The following LRRC75B variants were observed in gnomAD, a reference collection of about 807,000 sequenced individuals.
LRRC75B encodes the protein leucine-rich repeat-containing protein 75B.
A neutral mutation model predicts 16.5 loss-of-function variants in LRRC75B; 20 were observed. That is an observed-to-expected ratio of 1.21 (90% confidence interval 0.85 to 1.76). LRRC75B has a LOEUF of 1.76. LRRC75B is among the 40% of genes most tolerant of loss of function. The pLI is 0.00. For synonymous variants in LRRC75B, 199 were observed against 198.1 expected, an observed-to-expected ratio of 1.00 and a Z score of -0.04; for missense variants, 406 against 417.0, an observed-to-expected ratio of 0.97 and a Z score of 0.23.
At chr22:24,587,969 A>G (rs759564144) in intron 3 of LRRC75B, among the ~76,000 whole-genome samples, 1 of 152,094 alleles carries the variant, frequency 6.6e-6, no homozygotes, top group Non-Finnish European at 1.5e-5. Flanking sequence ...GGATGTATGA[A>G]TGGCAGGAGG....
At position 24,586,405 on chromosome 22, in the gene LRRC75B, C is replaced by CT. The variant is rs1199866286; in HGVS notation, c.428dup (p.Ser144GlufsTer51). On this transcript the variant is annotated frameshift_variant, in exon 4 of 4. Transcript: ENST00000318753. LOFTEE classifies it low-confidence loss of function (END_TRUNC). ...CCAGCAGAGTCTTCTGGAGGCTGCTCTTGAGGCTATGGGAGAGTGGCAGGT... is the reference window on the plus strand; with the variant it reads ...CCAGCAGAGTCTTCTGGAGGCTGCTCTTTGAGGCTATGGGAGAGTGGCAGGT... The CT allele has an allele frequency of 5.0e-6, 8 of 1,610,600 alleles. No individual in the cohort carries two copies. Among genetic ancestry groups the CT allele is most frequent in the African/African-American group, 1.3e-5 (1 of 74,914 alleles).
intron 3 of LRRC75B, 95 bp downstream of exon 3, chr22:24,588,119 T>C: frequency 1.0e-6 from 1 of 990,846 alleles, no homozygotes; most frequent in South Asian, 1.4e-5. Context: ...CCAGGTGGGA[T>C]TTCAGCACCA....
chr22:24,592,955 C>T lies in LRRC75B; in HGVS notation c.85G>A (p.Glu29Lys), dbSNP rs1383616636. The T allele has an allele frequency of 5.0e-6, 6 of 1,206,740 alleles. No homozygotes were observed. The highest frequency in any genetic ancestry group is 3.2e-5 in the African/African-American group (2 of 62,880). The allele number at this position is 1,206,740 out of a possible 1,614,324, so 74.8% of individuals were successfully genotyped here. Residue 29 changes from glutamate (E) to lysine (K), a missense_variant, in exon 1 of 4, where the codon GAG (glutamate) becomes AAG (lysine). Glu to Lys is a moderately conservative substitution (Grantham distance 56). Coordinates refer to ENST00000318753, the MANE Select transcript of LRRC75B (RefSeq NM_207644.3). Reference protein sequence around the residue: ...AAAGCGPAPYERRVRWLREIQ... With the variant: ...AAAGCGPAPYKRRVRWLREIQ... Reference sequence around the variant, plus strand: ...TCGCGGAGCCACCGCACCCGGCGCTCGTAGGGCGCGGGCCCGCAGCCGGCC... The same window carrying T: ...TCGCGGAGCCACCGCACCCGGCGCTTGTAGGGCGCGGGCCCGCAGCCGGCC...
At chr22:24,592,736 G>A (rs1374136026) in intron 1 of LRRC75B, 127 bp downstream of exon 1, 1 of 1,299,872 alleles carries the variant, frequency 7.7e-7, no homozygotes, top group Non-Finnish European at 9.8e-7. Context: ...GCGCGCGCCA[G>A]AGACCAGCTC....
At chr22:24,592,567 A>T in intron 1 of LRRC75B, 1 of 460,558 alleles carries the variant, frequency 2.2e-6, no homozygotes, top group Non-Finnish European at 4.1e-6. Context: ...CACCCTCAAC[A>T]CACACAACCC....
At chr22:24,586,519 C>G (rs950615221) in intron 3 of LRRC75B, 108 bp from the exon 4 acceptor site, 23 of 1,158,662 alleles carry the variant, frequency 2.0e-5, no homozygotes, top group Non-Finnish European at 2.6e-5. Context: ...CTGGCAAAGC[C>G]AGATTCAAAC....
chr22:24,591,475 T>C (rs2045565579), intron 1 of LRRC75B, among the ~76,000 whole-genome samples: 1 of 151,930 alleles, frequency 6.6e-6, no homozygotes, highest in African/African-American at 2.4e-5. Flanking sequence ...AATCCATAGG[T>C]GATATGCTCT....
At chr22:24,589,125 G>A (rs910335309) in intron 2 of LRRC75B, 40 of 1,128,676 alleles carry the variant, frequency 3.5e-5, no homozygotes, top group Non-Finnish European at 4.2e-5. Flanking sequence ...AGGGCCCAGA[G>A]CGGATACCCT....
rs2045516956 is a variant in LRRC75B at position 24,589,874 on chromosome 22, TG to T, written c.252del (p.Ile85SerfsTer7). 1 of 1,613,896 alleles carries T rather than the reference TG, an allele frequency of 6.2e-7. No homozygotes were observed. The highest frequency in any genetic ancestry group is 1.7e-5 in the Admixed American group (1 of 59,982). On this transcript the variant is annotated frameshift_variant, in exon 2 of 4. Coordinates refer to ENST00000318753, the MANE Select transcript of LRRC75B (RefSeq NM_207644.3). LOFTEE classifies it high-confidence loss of function. ...AGGTTCACAAGCAGGTCATGGGAGA[TG>T]GGGTCGACCGGGTTGAGGAAGGCCA... ...RDVAFLNPVD[P>X]ISHDLLVNLA... is the part of the protein sequence containing the mutation.
chr22:24,587,468 C>G (rs1340026809), intron 3 of LRRC75B, among the ~76,000 whole-genome samples: 1 of 152,190 alleles, frequency 6.6e-6, no homozygotes, highest in Non-Finnish European at 1.5e-5. Flanking sequence ...TGGCAGGGAA[C>G]AACCTTGTGG....
Position 24,592,916 on chromosome 22 carries a change from G to A in LRRC75B, c.124C>T (p.Leu42Phe). 3.1e-6 allele frequency: 4 copies of A among 1,272,656 alleles called. No individual in the cohort carries two copies. Among genetic ancestry groups the A allele is most frequent in the Non-Finnish European group, 4.0e-6 (4 of 1,008,078 alleles). The allele number at this position is 1,272,656 out of a possible 1,614,324, so 78.8% of individuals were successfully genotyped here. A position where few individuals can be genotyped will look rare whatever the true frequency, so the allele number is the denominator to read the frequency against. Residue 42 changes from leucine (L) to phenylalanine (F), a missense_variant, in exon 1 of 4, where the codon CTC becomes TTC. Physicochemically the swap from Leu to Phe is conservative, Grantham distance 22 (BLOSUM62 0). Transcript: ENST00000318753. ...GCGCGCTCCGGCCGCCGCTCGCGGA[G>A]CGTGGACTGGATCTCGCGGAGCCAC... is the stretch of plus-strand genomic sequence containing the variant. ...VRWLREIQSTLRERRPERARQ... is the reference protein window; with the variant it reads ...VRWLREIQSTFRERRPERARQ...
intron 3 of LRRC75B, among the ~76,000 whole-genome samples, chr22:24,587,452 C>T (rs1000616149): frequency 2.6e-5 from 4 of 152,238 alleles, no homozygotes; most frequent in African/African-American, 9.6e-5. Context: ...GGACCCCCAC[C>T]AGCCATGGCA....
At position 24,588,799 on chromosome 22, in the gene LRRC75B, C is replaced by T. The variant is rs550680316; in HGVS notation, c.307-470G>A. On this transcript the variant is annotated intron_variant, in intron 2 of 3. Coordinates refer to ENST00000318753, the MANE Select transcript of LRRC75B (RefSeq NM_207644.3). ...TCTTCCTCTCACTCTCCAAGCGAGA[C>T]TGCGCCTGCGGGGTCTGGGTCTGGG... 23 of 1,016,804 alleles carry T rather than the reference C, an allele frequency of 2.3e-5. No homozygotes were observed. The East Asian group carries it at 1.6e-3, about 69-fold the overall frequency. 63.0% of individuals were successfully genotyped at this position (1,016,804 alleles called of 1,614,324 possible).
intron 2 of LRRC75B, chr22:24,589,388 G>A (rs2045498466): frequency 3.6e-6 from 4 of 1,098,258 alleles, no homozygotes; most frequent in African/African-American, 1.7e-5. Flanking sequence ...TGTACAGGAT[G>A]GAGACCTGCG....
intron 1 of LRRC75B, chr22:24,592,556 CCACCCTCAA>C: frequency 4.4e-6 from 2 of 450,778 alleles, no homozygotes; most frequent in Non-Finnish European, 8.5e-6. Flanking sequence ...GGCTACCGGG[CCACCCTCAA>C]CACACACAAC....
chr22:24,586,512 G>T, intron 3 of LRRC75B, 101 bp from the exon 4 acceptor site: 1 of 1,244,776 alleles, frequency 8.0e-7, no homozygotes, highest in Non-Finnish European at 1.1e-6. Flanking sequence ...CTACAGTCTG[G>T]CAAAGCCAGA....
At chr22:24,586,470 A>C in intron 3 of LRRC75B, 59 bp from the exon 4 acceptor site, 1 of 1,524,352 alleles carries the variant, frequency 6.6e-7, no homozygotes, top group Non-Finnish European at 8.9e-7. Context: ...CCCACTGACC[A>C]CAGACAGTGA....
At chr22:24,588,700 C>T in intron 2 of LRRC75B, 1 of 1,089,888 alleles carries the variant, frequency 9.2e-7, no homozygotes, top group Non-Finnish European at 1.1e-6. Flanking sequence ...GAGGCCAGAC[C>T]AGGCCCCTCG....
At chr22:24,591,794 T>G (rs2045574748) in intron 1 of LRRC75B, among the ~76,000 whole-genome samples, 1 of 152,256 alleles carries the variant, frequency 6.6e-6, no homozygotes, top group Non-Finnish European at 1.5e-5. Flanking sequence ...GGAGGAAGGC[T>G]GGCTGATGAG....
Sources: gnomAD v4.1 joint callset for allele counts (sites outside exome capture counted in the v4.1 genomes callset) on GRCh38, gnomAD v4.1.1 for gene constraint, MANE v1.5 for transcripts, NCBI Gene and HGNC (gene_info 2026-07-23, HGNC 2026-07-21) for gene names.